Variants in ANK3 observed in about 807,000 individuals in gnomAD.
ANK3 encodes ankyrin-3.
ANK3 carries 57 observed loss-of-function variants against 370.9 expected under a neutral mutation model. That is an observed-to-expected ratio of 0.15 (90% CI 0.12 to 0.19). ANK3 has a LOEUF of 0.19. Ranked by LOEUF, ANK3 falls within the 10% of genes least tolerant of loss-of-function variation. ANK3 has a pLI of 1.00. For missense variants in ANK3, 4,439 were observed against 5,302.1 expected (o/e 0.84, Z 5.06); for synonymous variants, 1,929 against 1,946.3 (o/e 0.99, Z 0.23).
At chr10:60,146,396 A>G (rs2094824710) in intron 23 of ANK3, among the ~76,000 whole-genome samples, 1 of 152,178 alleles carries the variant, frequency 6.6e-6, no homozygotes, top group Admixed American at 6.5e-5. Flanking sequence ...TTATTTCATC[A>G]TCCAGGTAAA....
At chr10:60,434,043 T>C (rs35426806) in intron 2 of ANK3, among the ~76,000 whole-genome samples, 267 of 152,322 alleles carry the variant, frequency 1.8e-3, no homozygotes, top group Non-Finnish European at 2.9e-3. Flanking sequence ...GTCAACTGTG[T>C]CATAAAAGTG....
intron 42 of ANK3, among the ~76,000 whole-genome samples, chr10:60,048,005 T>G (rs1017547895): frequency 6.6e-6 from 1 of 152,158 alleles, no homozygotes; most frequent in Non-Finnish European, 1.5e-5. Flanking sequence ...AGGTTAAAAC[T>G]TCATAGAAAA....
chr10:60,286,571 C>A (rs913356052), intron 1 of ANK3, among the ~76,000 whole-genome samples: 3 of 152,138 alleles, frequency 2.0e-5, no homozygotes, highest in African/African-American at 7.2e-5. Flanking sequence ...ACTTGGGGTG[C>A]ATAAGGGCAA....
At chr10:60,694,350 C>T (rs2079408809) in intron 1 of ANK3, among the ~76,000 whole-genome samples, 1 of 152,162 alleles carries the variant, frequency 6.6e-6, no homozygotes, top group Admixed American at 6.5e-5. Context: ...AGAACTTCCC[C>T]AATCTAGCAA....
intron 30 of ANK3, 93 bp downstream of exon 30, chr10:60,086,584 A>G (rs1564905461): frequency 3.0e-5 from 32 of 1,076,268 alleles, no homozygotes; most frequent in South Asian, 3.7e-5. Context: ...GTTGGCATGG[A>G]TATTTCAAAG....
chr10:60,051,193 A>G (rs2077916663), intron 42 of ANK3, among the ~76,000 whole-genome samples: 1 of 152,204 alleles, frequency 6.6e-6, no homozygotes, highest in South Asian at 2.1e-4. Flanking sequence ...CATTCACATA[A>G]CACTTCTTCA....
intron 35 of ANK3, among the ~76,000 whole-genome samples, chr10:60,081,110 G>C (rs936134746): frequency 6.6e-6 from 1 of 152,002 alleles, no homozygotes; most frequent in Non-Finnish European, 1.5e-5. Context: ...GGGTAGGGAC[G>C]GAGTCTTGCT....
At chr10:60,060,365 T>C (rs954544700) in intron 40 of ANK3, 2 of 159,306 alleles carry the variant, frequency 1.3e-5, no homozygotes, top group Non-Finnish European at 1.4e-5. Flanking sequence ...GAGATACTTA[T>C]TATCTTTCTA....
At chr10:60,140,665 C>A (rs951298605) in intron 23 of ANK3, 31 of 1,315,854 alleles carry the variant, frequency 2.4e-5, no homozygotes, top group Middle Eastern at 5.7e-4. Flanking sequence ...CGCAGACATC[C>A]TTTTAAAGCT....
chr10:60,065,224 A>G (rs1366764536), intron 38 of ANK3, among the ~76,000 whole-genome samples: 1 of 152,228 alleles, frequency 6.6e-6, no homozygotes, highest in Non-Finnish European at 1.5e-5. Flanking sequence ...CAATCTTGTA[A>G]ATTGCAGAGT....
At chr10:60,033,981 G>A (rs1486692146) in intron 43 of ANK3, among the ~76,000 whole-genome samples, 1 of 150,156 alleles carries the variant, frequency 6.7e-6, no homozygotes, top group African/African-American at 2.5e-5. Context: ...CCAGTCAAAT[G>A]TTCTGGAACA....
Position 60,144,124 on chromosome 10 carries a change from CA to C in ANK3, c.2615-5038del, listed in dbSNP as rs201826405. 765 of 371,766 alleles carry C rather than the reference CA, an allele frequency of 2.1e-3. 5 individuals are homozygous for C. The highest frequency in any genetic ancestry group is 0.016 in the African/African-American group (707 of 45,282). The allele number at this position is 371,766 out of a possible 1,614,324, so 23.0% of individuals were successfully genotyped here. Reference sequence around the variant, plus strand: ...CTGACTGCAATCTCATAAAAGATCCCAAGACTCAGCTGAGCCCCGATTAACT... The same window carrying C: ...CTGACTGCAATCTCATAAAAGATCCCAGACTCAGCTGAGCCCCGATTAACT... On this transcript the variant is annotated intron_variant, in intron 23 of 43. Coordinates refer to ENST00000280772, the MANE Select transcript of ANK3 (RefSeq NM_020987.5).
chr10:60,442,178 C>T (rs1036820269), intron 2 of ANK3, among the ~76,000 whole-genome samples: 2 of 150,944 alleles, frequency 1.3e-5, no homozygotes, highest in African/African-American at 2.4e-5. Flanking sequence ...TCACCACAAC[C>T]TCTGCCTTCT....
At position 60,066,350 on chromosome 10, in the gene ANK3, A is replaced by G. The variant is rs113759804; in HGVS notation, c.12319+1585T>C. ...AATAATCTAACAGTTCTAGGCATAT[A>G]ATAATGCAAAACAAACATTTGCTCC... On this transcript the variant is annotated intron_variant, in intron 38 of 43. Coordinates refer to ENST00000280772, the MANE Select transcript of ANK3 (RefSeq NM_020987.5). Among the ~76,000 whole-genome samples the G allele has an allele frequency of 4.3e-3, 656 of 152,354 alleles. 2 individuals are homozygous for G. Among genetic ancestry groups the G allele is most frequent in the African/African-American group, 0.015 (621 of 41,576 alleles).
chr10:60,726,371 T>C (rs1047794147), intron 1 of ANK3, among the ~76,000 whole-genome samples: 2 of 152,162 alleles, frequency 1.3e-5, no homozygotes, highest in African/African-American at 4.8e-5. Context: ...GTGTCAGACA[T>C]AAGGATATGA....
chr10:60,385,252 C>T (rs1347122580), intron 1 of ANK3, among the ~76,000 whole-genome samples: 1 of 151,970 alleles, frequency 6.6e-6, no homozygotes, highest in Non-Finnish European at 1.5e-5. Context: ...GCCTAATAGT[C>T]TCTCCTACTT....
chr10:60,215,563 A>G (rs1167059916), intron 8 of ANK3, among the ~76,000 whole-genome samples: 2 of 152,154 alleles, frequency 1.3e-5, no homozygotes, highest in African/African-American at 4.8e-5. Context: ...GTCCAATTTC[A>G]GTTTTCTGCA....
At chr10:60,487,962 C>T (rs2075393254) in intron 2 of ANK3, among the ~76,000 whole-genome samples, 1 of 152,092 alleles carries the variant, frequency 6.6e-6, no homozygotes, top group Non-Finnish European at 1.5e-5. Context: ...GATCTGCCTG[C>T]CTTGGTCTCC....
intron 2 of ANK3, among the ~76,000 whole-genome samples, chr10:60,439,211 G>C (rs1007402972): frequency 2.0e-5 from 3 of 152,130 alleles, no homozygotes; most frequent in Non-Finnish European, 4.4e-5. Flanking sequence ...CACTGAGTAA[G>C]ATGTGGCTCC....
Sources: allele counts gnomAD v4.1 joint callset (sites outside exome capture counted in the v4.1 genomes callset), GRCh38; gene constraint gnomAD v4.1.1; transcripts MANE v1.5; gene names NCBI Gene and HGNC (gene_info 2026-07-23, HGNC 2026-07-21).